TMEM132C: variants seen among roughly 807,000 people sequenced by gnomAD.
The protein encoded by TMEM132C is transmembrane protein 132C, also known as protein phosphatase 1, regulatory subunit 152.
In TMEM132C, 29 loss-of-function variants were observed where a neutral mutation model predicts 61.4. That is an observed-to-expected ratio of 0.47 (90% CI 0.35 to 0.64). The LOEUF (loss-of-function observed/expected upper bound fraction) is 0.64. Ranked by LOEUF, TMEM132C falls within the 30% of genes least tolerant of loss-of-function variation. The pLI is 0.00. For missense variants in TMEM132C, 1,408 were observed against 1,476.9 expected (o/e 0.95, Z 0.76); for synonymous variants, 656 against 633.1 (o/e 1.04, Z -0.54).
At chr12:128,615,665 TA>T (rs1876775970) in intron 3 of TMEM132C, among the ~76,000 whole-genome samples, 1 of 152,046 alleles carries the variant, frequency 6.6e-6, no homozygotes, top group South Asian at 2.1e-4. Flanking sequence ...GGAGTAGCTA[TA>T]AATAGAGATG....
chr12:128,487,603 G>GTATATATATATATA (rs35552118), intron 2 of TMEM132C, among the ~76,000 whole-genome samples: 7 of 136,656 alleles, frequency 5.1e-5, no homozygotes, highest in African/African-American at 1.6e-4. Context: ...GTGTGTGTGG[G>GTATATATATATATA]TATATATATA....
intron 1 of TMEM132C, among the ~76,000 whole-genome samples, chr12:128,381,102 G>A (rs924894758): frequency 1.3e-5 from 2 of 152,294 alleles, no homozygotes; most frequent in South Asian, 2.1e-4. Flanking sequence ...TACAAGGACC[G>A]CAGAAAGGCC....
intron 4 of TMEM132C, among the ~76,000 whole-genome samples, chr12:128,665,210 C>T (rs1242336921): frequency 6.7e-6 from 1 of 150,080 alleles, no homozygotes; most frequent in African/African-American, 2.5e-5. Context: ...CATATGTAAA[C>T]AGACACTCAT....
At chr12:128,518,383 A>G (rs902225531) in intron 2 of TMEM132C, among the ~76,000 whole-genome samples, 10 of 152,170 alleles carry the variant, frequency 6.6e-5, no homozygotes, top group Non-Finnish European at 1.3e-4. Flanking sequence ...GCGTCCTTGG[A>G]ACACAGGTAT....
intron 2 of TMEM132C, among the ~76,000 whole-genome samples, chr12:128,432,089 G>A (rs1565934628): frequency 6.6e-6 from 1 of 152,202 alleles, no homozygotes; most frequent in Non-Finnish European, 1.5e-5. Flanking sequence ...TTGAGACCCA[G>A]CGCTCAGAAA....
intron 2 of TMEM132C, among the ~76,000 whole-genome samples, chr12:128,422,604 G>A (rs939498835): frequency 1.3e-5 from 2 of 152,184 alleles, no homozygotes; most frequent in Non-Finnish European, 2.9e-5. Flanking sequence ...CTGCTAACGT[G>A]AATTTATGTG....
intron 3 of TMEM132C, among the ~76,000 whole-genome samples, chr12:128,606,022 C>A (rs1444420342): frequency 6.6e-6 from 1 of 152,170 alleles, no homozygotes; most frequent in African/African-American, 2.4e-5. Context: ...GGCCTAGGGC[C>A]CACCATTGCA....
chr12:128,528,751 C>A (rs1272788916), intron 2 of TMEM132C, among the ~76,000 whole-genome samples: 1 of 152,178 alleles, frequency 6.6e-6, no homozygotes, highest in East Asian at 1.9e-4. Context: ...TGCTCAGTGT[C>A]CCCTGGAGCA....
chr12:128,564,848 G>A (rs904836876), intron 3 of TMEM132C, among the ~76,000 whole-genome samples: 4 of 152,174 alleles, frequency 2.6e-5, no homozygotes, highest in African/African-American at 9.7e-5. Flanking sequence ...GTGGGAGGCA[G>A]CTTCTGACAT....
intron 2 of TMEM132C, among the ~76,000 whole-genome samples, chr12:128,485,314 T>C (rs1490343675): frequency 1.3e-5 from 2 of 152,146 alleles, no homozygotes; most frequent in Non-Finnish European, 2.9e-5. Flanking sequence ...GTAGCTGGGA[T>C]TGCAGGCAAC....
chr12:128,468,176 G>A (rs902395035), intron 2 of TMEM132C, among the ~76,000 whole-genome samples: 1 of 152,124 alleles, frequency 6.6e-6, no homozygotes, highest in African/African-American at 2.4e-5. Context: ...CGGTCCAGAG[G>A]GAACACCAAC....
chr12:128,663,933 C>T (rs554147622), intron 4 of TMEM132C, among the ~76,000 whole-genome samples: 105 of 132,306 alleles, frequency 7.9e-4, no homozygotes, highest in African/African-American at 2.6e-3. Flanking sequence ...TGCACGCACG[C>T]GGACACTCAC....
At chr12:128,577,128 C>G (rs760793045) in intron 3 of TMEM132C, among the ~76,000 whole-genome samples, 2 of 152,196 alleles carry the variant, frequency 1.3e-5, no homozygotes, top group Non-Finnish European at 2.9e-5. Flanking sequence ...TGCTCTCTGT[C>G]TCTATGGACT....
At chr12:128,501,646 T>C (rs1872184801) in intron 2 of TMEM132C, among the ~76,000 whole-genome samples, 1 of 152,184 alleles carries the variant, frequency 6.6e-6, no homozygotes, top group Admixed American at 6.5e-5. Context: ...GCTTCAATAC[T>C]TGGAGTTGGG....
chr12:128,635,169 T>C (rs1345106703), intron 4 of TMEM132C, among the ~76,000 whole-genome samples: 1 of 152,242 alleles, frequency 6.6e-6, no homozygotes, highest in Non-Finnish European at 1.5e-5. Context: ...CATGCTTTCA[T>C]AATGTTAAGA....
In TMEM132C at chr12:128,414,899, T is replaced by G. The variant is rs1045428873; in HGVS notation, c.253T>G (p.Phe85Val). Reference sequence around the variant, plus strand: ...CCTGCAGGCGAGGGTGGAGTCCTTCTTTACCTACAAAACCAGGCAGCCCCC... The same window carrying G: ...CCTGCAGGCGAGGGTGGAGTCCTTCGTTACCTACAAAACCAGGCAGCCCCC... ...SSLQARVESFFTYKTRQPPVL... is the reference protein window; with the variant it reads ...SSLQARVESFVTYKTRQPPVL... The change falls in exon 2 of 9, where the codon TTT (phenylalanine) becomes GTT (valine). Residue 85 changes from phenylalanine to valine, a missense_variant. Transcript: ENST00000435159. The G allele has an allele frequency of 9.0e-6, 14 of 1,551,736 alleles. No individual in the cohort carries two copies. The African/African-American group carries it at 1.8e-4, about 20-fold the overall frequency.
intron 1 of TMEM132C, among the ~76,000 whole-genome samples, chr12:128,345,667 A>T (rs1482884825): frequency 6.6e-6 from 1 of 152,164 alleles, no homozygotes; most frequent in Non-Finnish European, 1.5e-5. Flanking sequence ...ATGATCAGTG[A>T]TGTTGAGCTT....
At chr12:128,525,969 A>G (rs1053413090) in intron 2 of TMEM132C, among the ~76,000 whole-genome samples, 3 of 152,232 alleles carry the variant, frequency 2.0e-5, no homozygotes, top group African/African-American at 4.8e-5. Flanking sequence ...GGGCTACCAC[A>G]TTGGGAGCAG....
In TMEM132C at chr12:128,414,852, A is replaced by G. The variant is rs1379997713; in HGVS notation, c.206A>G (p.Gln69Arg). The change falls in exon 2 of 9, where the codon CAG becomes CGG. Residue 69 changes from glutamine to arginine, a missense_variant. By Grantham distance (43) the Gln-to-Arg change is conservative (BLOSUM62 1). Coordinates refer to ENST00000435159, the MANE Select transcript of TMEM132C (RefSeq NM_001136103.3). ...ETSFFLKEANQDLLRNSSLQA... is the reference protein window; with the variant it reads ...ETSFFLKEANRDLLRNSSLQA... ...TCCTTCTTCCTCAAGGAAGCCAACC[A>G]GGACCTGCTGCGGAACTCCAGCCTG... is the stretch of plus-strand genomic sequence containing the variant. 3.2e-6 allele frequency: 5 copies of G among 1,550,172 alleles called. No individual in the cohort carries two copies. Among genetic ancestry groups the G allele is most frequent in the Non-Finnish European group, 4.4e-6 (5 of 1,147,090 alleles).
Sources: allele counts gnomAD v4.1 joint callset (sites outside exome capture counted in the v4.1 genomes callset), GRCh38; gene constraint gnomAD v4.1.1; transcripts MANE v1.5; gene names NCBI Gene and HGNC (gene_info 2026-07-23, HGNC 2026-07-21).